LAPTM5: variants seen among roughly 807,000 people sequenced by gnomAD.
The protein encoded by LAPTM5 is lysosomal-associated transmembrane protein 5.
Under a neutral mutation model 30.1 loss-of-function variants are expected in LAPTM5, and 11 were observed. The ratio of observed to expected loss-of-function variants is 0.37; its 90% CI spans 0.23 to 0.60. The LOEUF is 0.60. LAPTM5 is among the 20% of genes least tolerant of loss of function. The pLI is 0.71. For synonymous variants in LAPTM5, 151 were observed against 137.9 expected (o/e 1.10, Z -0.67); for missense variants, 324 against 332.5 (o/e 0.97, Z 0.20).
intron 5 of LAPTM5, 58 bp from the exon 6 acceptor site, chr1:30,737,757 C>T (rs1040071905): frequency 3.5e-5 from 39 of 1,104,360 alleles, no homozygotes; most frequent in Non-Finnish European, 4.7e-5. Context: ...TCCAACAGCA[C>T]CCACACATCC....
At chr1:30,734,697 A>G (rs1054960808) in intron 7 of LAPTM5, among the ~76,000 whole-genome samples, 1 of 152,250 alleles carries the variant, frequency 6.6e-6, no homozygotes, top group African/African-American at 2.4e-5. Context: ...GCTGCTTCTA[A>G]GCACACCTCA....
intron 6 of LAPTM5, among the ~76,000 whole-genome samples, chr1:30,736,510 T>G (rs1476944973): frequency 6.6e-6 from 1 of 152,138 alleles, no homozygotes; most frequent in Non-Finnish European, 1.5e-5. Flanking sequence ...TATGGCCCAC[T>G]GCAGCCTCAA....
intron 1 of LAPTM5, among the ~76,000 whole-genome samples, chr1:30,747,817 C>T (rs1640070132): frequency 6.6e-6 from 1 of 152,130 alleles, no homozygotes; most frequent in African/African-American, 2.4e-5. Flanking sequence ...ACCTGGGAGG[C>T]ACTGGCCATG....
At position 30,735,224 on chromosome 1, in the gene LAPTM5, G is replaced by A. The variant is rs1639869164; in HGVS notation, c.648C>T (p.Ile216=). The A allele has an allele frequency of 6.2e-7, 1 of 1,614,028 alleles. No individual in the cohort carries two copies. The highest frequency in any genetic ancestry group is 8.5e-7 in the Non-Finnish European group (1 of 1,180,004). The change falls in exon 7 of 8, where the codon ATC becomes ATT. Residue 216 remains isoleucine (I), a synonymous_variant. Transcript: ENST00000294507. Reference sequence around the variant, plus strand: ...TCTCCTCCACCGAGTTCATGCACTTGATCAATCTGTAGCACCGCCACACGC... The same window carrying A: ...TCTCCTCCACCGAGTTCATGCACTTAATCAATCTGTAGCACCGCCACACGC... The part of the protein sequence containing the change: ...FKCVWRCYRL[I]KCMNSVEEKR...
At chr1:30,750,810 G>A (rs1188349) in intron 1 of LAPTM5, among the ~76,000 whole-genome samples, 32,126 of 152,174 alleles carry the variant, frequency 0.21, 3,799 homozygotes, top group South Asian at 0.28. Flanking sequence ...CCATTTTTCC[G>A]GTGCCACAAA....
intron 1 of LAPTM5, among the ~76,000 whole-genome samples, chr1:30,743,203 AATCTGTGCTGTT>A (rs1184087929): frequency 6.6e-6 from 1 of 152,252 alleles, no homozygotes; most frequent in African/African-American, 2.4e-5. Flanking sequence ...GTAAGCACTC[AATCTGTGCTGTT>A]ATCCATTATC....
Position 30,742,503 on chromosome 1 carries a change from T to G in LAPTM5, c.134A>C (p.His45Pro). 1 of 1,613,810 alleles carries G rather than the reference T, an allele frequency of 6.2e-7. No homozygotes were observed. Among genetic ancestry groups the G allele is most frequent in the Non-Finnish European group, 8.5e-7 (1 of 1,179,962 alleles). The change falls in exon 2 of 8, where the codon CAT (histidine) becomes CCT (proline). Residue 45 changes from histidine (H) to proline (P), a missense_variant. Physicochemically the swap from His to Pro is moderately conservative, Grantham distance 77. Coordinates refer to ENST00000294507, the MANE Select transcript of LAPTM5 (RefSeq NM_006762.3). ...LFIEHSVEVAHGKASCKLSQM... is the reference protein window; with the variant it reads ...LFIEHSVEVAPGKASCKLSQM... ...GGAGAGCTTGCAGGACGCCTTGCCA[T>G]GGGCCACCTCTACTGAGTGCTCGAT...
chr1:30,745,562 A>G (rs2124189197), intron 1 of LAPTM5, among the ~76,000 whole-genome samples: 1 of 152,298 alleles, frequency 6.6e-6, no homozygotes, highest in Non-Finnish European at 1.5e-5. Context: ...GCGGCAGGGG[A>G]CGAGGGAGGA....
At chr1:30,757,621 A>AGCAC (rs1418797697) in intron 1 of LAPTM5, 38 bp downstream of exon 1, 1 of 1,598,848 alleles carries the variant, frequency 6.3e-7, no homozygotes, top group East Asian at 2.2e-5. Flanking sequence ...CACTCACACA[A>AGCAC]GCACGCACGC....
intron 1 of LAPTM5, among the ~76,000 whole-genome samples, chr1:30,750,008 G>C (rs895254297): frequency 3.3e-5 from 5 of 152,138 alleles, no homozygotes; most frequent in Admixed American, 2.6e-4. Context: ...ACCTAGACTC[G>C]GACGGCTCAG....
chr1:30,735,628 T>C (rs565156702), intron 6 of LAPTM5, among the ~76,000 whole-genome samples: 4 of 152,314 alleles, frequency 2.6e-5, no homozygotes, highest in South Asian at 2.1e-4. Context: ...TGGTGGGACA[T>C]GTTTTCTTCA....
At chr1:30,740,613 GTC>G (rs1337594082) in intron 3 of LAPTM5, among the ~76,000 whole-genome samples, 3 of 152,062 alleles carry the variant, frequency 2.0e-5, no homozygotes, top group Non-Finnish European at 4.4e-5. Context: ...GTTTCCTGGT[GTC>G]TCATGTGGTC....
At chr1:30,745,406 G>A (rs1340645401) in intron 1 of LAPTM5, among the ~76,000 whole-genome samples, 1 of 151,986 alleles carries the variant, frequency 6.6e-6, no homozygotes, top group Non-Finnish European at 1.5e-5. Flanking sequence ...GCAGAGAGGC[G>A]CCCCCATCCC....
Position 30,757,688 on chromosome 1 carries a change from C to T in LAPTM5, c.58G>A (p.Ala20Thr), listed in dbSNP as rs369470045. The T allele has an allele frequency of 1.2e-5, 20 of 1,613,808 alleles. No homozygotes were observed. The highest frequency in any genetic ancestry group is 3.3e-5 in the Admixed American group (2 of 60,016). The change falls in exon 1 of 8, where the codon GCA (alanine) becomes ACA (threonine). Residue 20 changes from alanine (A) to threonine (T), a missense_variant. Coordinates refer to ENST00000294507, the MANE Select transcript of LAPTM5 (RefSeq NM_006762.3). ...TGGTAGATGGCCAGGGCGGTGGTTG[C>T]GATGCGGACATTGAAGCAGCAGCAG... ...QTCCCFNVRI[A>T]TTALAIYHVI...
chr1:30,756,583 C>T (rs1470408873), intron 1 of LAPTM5, among the ~76,000 whole-genome samples: 1 of 152,204 alleles, frequency 6.6e-6, no homozygotes, highest in Non-Finnish European at 1.5e-5. Context: ...GATTTGCATG[C>T]AGGAGTCTGC....
chr1:30,733,686 G>A lies in LAPTM5; in HGVS notation c.*142C>T, dbSNP rs1278099469. 4.6e-6 allele frequency: 7 copies of A among 1,534,096 alleles called. No individual in the cohort carries two copies. The highest frequency in any genetic ancestry group is 6.1e-6 in the Non-Finnish European group (7 of 1,146,146). ...CTCACAGGCCCTGCAGGAGGAGCAG[G>A]CCAGCGAGGGAGACACAAGCAGATT... On this transcript the variant is annotated 3_prime_UTR_variant, in exon 8 of 8. Coordinates refer to ENST00000294507, the MANE Select transcript of LAPTM5 (RefSeq NM_006762.3).
intron 3 of LAPTM5, among the ~76,000 whole-genome samples, chr1:30,740,399 TCC>T (rs148522746): frequency 9.7e-6 from 1 of 103,240 alleles, no homozygotes; most frequent in Non-Finnish European, 2.0e-5. Context: ...AGAGAGCCCC[TCC>T]CCCCCACCCC....
At chr1:30,734,164 T>C (rs1011474174) in intron 7 of LAPTM5, among the ~76,000 whole-genome samples, 1 of 152,164 alleles carries the variant, frequency 6.6e-6, no homozygotes, top group African/African-American at 2.4e-5. Context: ...CAGTGCACCA[T>C]TTTCCTTGGG....
chr1:30,748,682 G>A (rs957056206), intron 1 of LAPTM5, among the ~76,000 whole-genome samples: 2 of 152,156 alleles, frequency 1.3e-5, no homozygotes, highest in Non-Finnish European at 2.9e-5. Flanking sequence ...CCCATTCCTG[G>A]GGCCACGCAC....
Sources: allele counts gnomAD v4.1 joint callset (sites outside exome capture counted in the v4.1 genomes callset), GRCh38; gene constraint gnomAD v4.1.1; transcripts MANE v1.5; gene names NCBI Gene and HGNC (gene_info 2026-07-23, HGNC 2026-07-21).